Variants in ANKRD55 observed in about 807,000 individuals in gnomAD.
The protein encoded by ANKRD55 is ankyrin repeat domain-containing protein 55.
ANKRD55 carries 41 observed loss-of-function variants against 60.6 expected under a neutral mutation model. The ratio of observed to expected loss-of-function variants is 0.68; its 90% CI spans 0.53 to 0.88. The LOEUF (loss-of-function observed/expected upper bound fraction) is 0.88, where lower values mean the gene tolerates loss of function less well. ANKRD55 is among the 40% of genes least tolerant of loss of function. The pLI, the probability that ANKRD55 is intolerant of heterozygous loss-of-function variation, is 0.00. For synonymous variants in ANKRD55, 264 were observed against 290.3 expected (o/e 0.91, Z 0.92); for missense variants, 732 against 767.6 (o/e 0.95, Z 0.55).
intron 2 of ANKRD55, among the ~76,000 whole-genome samples, chr5:56,214,405 A>G (rs144236160): frequency 8.5e-4 from 130 of 152,352 alleles, no homozygotes; most frequent in African/African-American, 2.8e-3. Context: ...GGTACTTTGT[A>G]TGCATTACTT....
At chr5:56,147,131 T>G (rs1337747341) in intron 6 of ANKRD55, among the ~76,000 whole-genome samples, 1 of 152,190 alleles carries the variant, frequency 6.6e-6, no homozygotes, top group Admixed American at 6.5e-5. Flanking sequence ...GCTTTGTATA[T>G]TCTATCTCAT....
intron 6 of ANKRD55, among the ~76,000 whole-genome samples, chr5:56,155,636 A>C (rs1758172864): frequency 6.6e-6 from 1 of 152,110 alleles, no homozygotes; most frequent in Non-Finnish European, 1.5e-5. Flanking sequence ...AGCTCAGTCA[A>C]AAACAAAATT....
intron 11 of ANKRD55, 64 bp from the exon 12 acceptor site, chr5:56,100,368 A>G (rs1389466092): frequency 7.4e-5 from 118 of 1,599,014 alleles, no homozygotes; most frequent in Non-Finnish European, 9.9e-5. Context: ...AGGCGGCAGG[A>G]GAATTGTATT....
intron 6 of ANKRD55, among the ~76,000 whole-genome samples, chr5:56,152,303 G>T (rs1443607353): frequency 6.6e-6 from 1 of 151,508 alleles, no homozygotes; most frequent in Non-Finnish European, 1.5e-5. Context: ...ATGTCCAAAA[G>T]GTCACATCTG....
At chr5:56,230,205 C>T (rs540723157) in intron 2 of ANKRD55, among the ~76,000 whole-genome samples, 1 of 152,270 alleles carries the variant, frequency 6.6e-6, no homozygotes, top group African/African-American at 2.4e-5. Context: ...AAGCGATTTC[C>T]TGCCTCAGCC....
At chr5:56,217,236 C>A (rs1759834830) in intron 2 of ANKRD55, among the ~76,000 whole-genome samples, 2 of 152,160 alleles carry the variant, frequency 1.3e-5, no homozygotes, top group South Asian at 4.1e-4. Flanking sequence ...ACTATTGAGA[C>A]CTACTGGTCA....
In ANKRD55 at chr5:56,176,291, A is replaced by G; in HGVS notation, c.182-9T>C. Reference sequence around the variant, plus strand: ...CATCAAGGGCGTGCATCCTGGAATGAGACATTTCAACAGCCTTTAAACATG... The same window carrying G: ...CATCAAGGGCGTGCATCCTGGAATGGGACATTTCAACAGCCTTTAAACATG... On this transcript the variant is annotated splice_polypyrimidine_tract_variant and intron_variant, in intron 3 of 11. Coordinates refer to ENST00000341048, the MANE Select transcript of ANKRD55 (RefSeq NM_024669.3). 6.2e-7 allele frequency: 1 copy of G among 1,614,198 alleles called. No individual in the cohort carries two copies. The highest frequency in any genetic ancestry group is 8.5e-7 in the Non-Finnish European group (1 of 1,180,028).
intron 2 of ANKRD55, among the ~76,000 whole-genome samples, chr5:56,231,691 ACACAC>A (rs1760261796): frequency 6.7e-6 from 1 of 150,274 alleles, no homozygotes; most frequent in Admixed American, 6.7e-5. Context: ...ACACACACAC[ACACAC>A]ATACACATAC....
chr5:56,141,882 A>G (rs1190425092), intron 7 of ANKRD55, among the ~76,000 whole-genome samples: 1 of 152,230 alleles, frequency 6.6e-6, no homozygotes. Flanking sequence ...CATTCTGACC[A>G]TGCATACCCT....
At chr5:56,103,248 T>C (rs1212597912) in intron 10 of ANKRD55, among the ~76,000 whole-genome samples, 1 of 152,240 alleles carries the variant, frequency 6.6e-6, no homozygotes, top group Non-Finnish European at 1.5e-5. Flanking sequence ...TGAGAGCTGA[T>C]GGTTACATTT....
At chr5:56,162,023 C>T (rs557302389) in intron 5 of ANKRD55, 1 of 985,360 alleles carries the variant, frequency 1.0e-6, no homozygotes, top group South Asian at 4.7e-5. Flanking sequence ...TTTCTGTCTT[C>T]TCTGGCTCAT....
At chr5:56,151,730 T>C (rs1758050676) in intron 6 of ANKRD55, among the ~76,000 whole-genome samples, 1 of 151,734 alleles carries the variant, frequency 6.6e-6, no homozygotes, top group Non-Finnish European at 1.5e-5. Context: ...GGAGAATCAC[T>C]TGAACCCAAG....
chr5:56,193,059 A>G, intron 2 of ANKRD55: 2 of 894,660 alleles, frequency 2.2e-6, no homozygotes, highest in Non-Finnish European at 3.4e-6. Context: ...GCAGATGATG[A>G]CACATATTTC....
At chr5:56,209,621 C>T (rs367920790) in intron 2 of ANKRD55, among the ~76,000 whole-genome samples, 3 of 152,142 alleles carry the variant, frequency 2.0e-5, no homozygotes, top group Non-Finnish European at 4.4e-5. Context: ...CGCCCGCCAC[C>T]GCGCCTGGCT....
chr5:56,117,038 A>C, intron 8 of ANKRD55: 1 of 361,844 alleles, frequency 2.8e-6, no homozygotes, highest in Admixed American at 4.8e-5. Flanking sequence ...AAGAGGAAGT[A>C]GTGGGTCAAA....
intron 2 of ANKRD55, among the ~76,000 whole-genome samples, chr5:56,220,738 A>G (rs1184020096): frequency 6.6e-6 from 1 of 152,132 alleles, no homozygotes; most frequent in African/African-American, 2.4e-5. Flanking sequence ...GCTTGAACCC[A>G]GGAGGCAGAG....
intron 2 of ANKRD55, among the ~76,000 whole-genome samples, chr5:56,187,861 TACCATCTTGGAAGCCCCCCGCC>T (rs1344589077): frequency 1.3e-5 from 2 of 150,290 alleles, no homozygotes; most frequent in African/African-American, 5.0e-5. Context: ...CGAGGCTGGC[TACCATCTTGGAAGCCCCCCGCC>T]ACCATCTTCG....
At chr5:56,174,375 C>A (rs539027248) in intron 4 of ANKRD55, among the ~76,000 whole-genome samples, 17 of 152,246 alleles carry the variant, frequency 1.1e-4, no homozygotes, top group Admixed American at 5.9e-4. Flanking sequence ...ACTTTAGAAA[C>A]CCCTTCTATG....
At chr5:56,137,565 A>AAC in intron 7 of ANKRD55, 1 of 672,402 alleles carries the variant, frequency 1.5e-6, no homozygotes, top group Non-Finnish European at 2.6e-6. Flanking sequence ...TTAAAAGTAA[A>AAC]AGAAAAAAAA....
Sources: allele counts gnomAD v4.1 joint callset (sites outside exome capture counted in the v4.1 genomes callset), GRCh38; gene constraint gnomAD v4.1.1; transcripts MANE v1.5; gene names NCBI Gene and HGNC (gene_info 2026-07-23, HGNC 2026-07-21).